Variants in CSMD3 observed in about 807,000 individuals in gnomAD.
The protein encoded by CSMD3 is CUB and Sushi multiple domains 3.
A neutral mutation model predicts 435.2 loss-of-function variants in CSMD3; 177 were observed. That is an observed-to-expected ratio of 0.41 (90% CI 0.36 to 0.46). CSMD3 has a LOEUF of 0.46. CSMD3 is among the 20% of genes least tolerant of loss of function. CSMD3 has a pLI of 0.34. For synonymous variants in CSMD3, 1,656 were observed against 1,520.5 expected (o/e 1.09, Z -2.07); for missense variants, 4,265 against 4,504.6 (o/e 0.95, Z 1.52).
At chr8:113,232,500 A>G (rs1441940719) in intron 3 of CSMD3, among the ~76,000 whole-genome samples, 2 of 151,716 alleles carry the variant, frequency 1.3e-5, no homozygotes, top group Non-Finnish European at 3.0e-5. Context: ...TTCATTGTTA[A>G]TAAGTTCCAT....
intron 52 of CSMD3, among the ~76,000 whole-genome samples, chr8:112,304,156 T>C (rs1023361404): frequency 2.6e-5 from 4 of 152,180 alleles, no homozygotes; most frequent in African/African-American, 9.6e-5. Flanking sequence ...GGTATTTCAA[T>C]TGTGTCATAC....
At chr8:113,392,589 T>G (rs1004097448) in intron 1 of CSMD3, among the ~76,000 whole-genome samples, 1 of 152,134 alleles carries the variant, frequency 6.6e-6, no homozygotes, top group Non-Finnish European at 1.5e-5. Context: ...GATTTGGCTC[T>G]GAATTCCTCA....
intron 1 of CSMD3, among the ~76,000 whole-genome samples, chr8:113,374,502 CT>C (rs2094366234): frequency 6.6e-6 from 1 of 152,054 alleles, no homozygotes; most frequent in African/African-American, 2.4e-5. Flanking sequence ...TATTCCTCAT[CT>C]GTCACCCTAC....
Position 112,341,470 on chromosome 8 carries a change from C to A in CSMD3, c.6652+7G>T, listed in dbSNP as rs748586568. On this transcript the variant is annotated splice_region_variant and intron_variant, in intron 42 of 70. Transcript: ENST00000297405. The stretch of plus-strand genomic sequence containing the variant: ...TATAAATTTTCATTTTTTATTATTT[C>A]TCTTACCTTGGTATACAATATGAAA... 3.9e-6 allele frequency: 6 copies of A among 1,556,482 alleles called. No individual in the cohort carries two copies. The South Asian group carries it at 4.5e-5, about 12-fold the overall frequency.
At chr8:112,393,754 A>G (rs12155895) in intron 35 of CSMD3, among the ~76,000 whole-genome samples, 29,174 of 152,122 alleles carry the variant, frequency 0.19, 3,379 homozygotes, top group Middle Eastern at 0.37. Flanking sequence ...TCAATCCTTA[A>G]CTTGCATTTT....
At chr8:112,903,151 C>CAAAAAAA (rs763330055) in intron 10 of CSMD3, among the ~76,000 whole-genome samples, 626 of 53,468 alleles carry the variant, frequency 0.012, 5 homozygotes, top group Middle Eastern at 0.044. Context: ...GCAGTCTTGG[C>CAAAAAAA]AAAAAAAAAA....
chr8:113,084,622 C>CAA lies in CSMD3; in HGVS notation c.917+14132_917+14133dup, dbSNP rs35078367. On this transcript the variant is annotated intron_variant, in intron 5 of 70. Coordinates refer to ENST00000297405, the MANE Select transcript of CSMD3 (RefSeq NM_198123.2). ...AAAAATTCTAAAATTTGAATGGAACCAAAAAAAAAAAAAAAACCCATGAAT... is the reference window on the plus strand; with the variant it reads ...AAAAATTCTAAAATTTGAATGGAACCAAAAAAAAAAAAAAAAAACCCATGAAT... 7.2e-3 allele frequency among the ~76,000 whole-genome samples: 852 copies of CAA among 117,780 alleles called. 7 individuals are homozygous for CAA. The highest frequency in any genetic ancestry group is 0.026 in the African/African-American group (806 of 31,000). The allele number at this position is 117,780 out of a possible 152,430, so 77.3% of individuals were successfully genotyped here.
intron 13 of CSMD3, among the ~76,000 whole-genome samples, chr8:112,715,925 C>A (rs1031032037): frequency 1.3e-5 from 2 of 152,060 alleles, no homozygotes; most frequent in South Asian, 2.1e-4. Flanking sequence ...CAAAATATCT[C>A]AAAATAATAA....
intron 10 of CSMD3, among the ~76,000 whole-genome samples, chr8:112,872,720 G>A (rs149753628): frequency 7.9e-4 from 120 of 151,900 alleles, no homozygotes; most frequent in Middle Eastern, 3.4e-3. Flanking sequence ...ATAAAAATAA[G>A]TCATGTGAAT....
chr8:112,517,569 A>G (rs1823811885), intron 27 of CSMD3, among the ~76,000 whole-genome samples: 2 of 151,628 alleles, frequency 1.3e-5, no homozygotes, highest in Non-Finnish European at 2.9e-5. Flanking sequence ...TCGAAACTCA[A>G]AAAAAAAGGA....
chr8:113,271,110 C>T (rs964989560), intron 3 of CSMD3, among the ~76,000 whole-genome samples: 2 of 151,986 alleles, frequency 1.3e-5, no homozygotes, highest in African/African-American at 2.4e-5. Context: ...CAAGAGGTGG[C>T]TTGGGTGCTG....
chr8:113,153,086 A>AAG (rs1295097626), intron 4 of CSMD3, among the ~76,000 whole-genome samples: 3 of 85,068 alleles, frequency 3.5e-5, no homozygotes, highest in Non-Finnish European at 6.0e-5. Context: ...AAAAGAAAGA[A>AAG]AGAAAGAAAG....
intron 3 of CSMD3, among the ~76,000 whole-genome samples, chr8:113,233,505 AT>A (rs1235699210): frequency 6.6e-6 from 1 of 150,858 alleles, no homozygotes; most frequent in African/African-American, 2.4e-5. Flanking sequence ...ATATGCTAAT[AT>A]TAATGTTAGA....
chr8:113,330,740 AT>A (rs1298674970), intron 1 of CSMD3, among the ~76,000 whole-genome samples: 3 of 151,944 alleles, frequency 2.0e-5, no homozygotes, highest in Non-Finnish European at 4.4e-5. Flanking sequence ...TAATAAAAAA[AT>A]ATGAAAATAT....
intron 1 of CSMD3, among the ~76,000 whole-genome samples, chr8:113,332,858 T>G (rs868510700): frequency 7.9e-5 from 12 of 151,882 alleles, no homozygotes; most frequent in Admixed American, 4.6e-4. Flanking sequence ...AGATGATACC[T>G]ACTTCCTAAT....
intron 1 of CSMD3, among the ~76,000 whole-genome samples, chr8:113,427,884 T>A (rs573405673): frequency 6.6e-6 from 1 of 151,760 alleles, no homozygotes; most frequent in South Asian, 2.1e-4. Context: ...TGATACAATT[T>A]TATCATTTTA....
At chr8:112,581,752 G>A (rs1171199835) in intron 23 of CSMD3, among the ~76,000 whole-genome samples, 3 of 152,040 alleles carry the variant, frequency 2.0e-5, no homozygotes, top group African/African-American at 7.2e-5. Flanking sequence ...AAAATTAAAG[G>A]AATTAACTAT....
In CSMD3 at chr8:112,975,769, T is replaced by C. The variant is rs2084821603; in HGVS notation, c.1342+68A>G. On this transcript the variant is annotated intron_variant, in intron 7 of 70. Transcript: ENST00000297405. ...GGCTCTCTTTCAGCTCATTCTCTAA[T>C]TAGAATCATTACCAAAATATAGCTT... 4 of 1,609,380 alleles carry C rather than the reference T, an allele frequency of 2.5e-6. No homozygotes were observed. In the Admixed American group the frequency reaches 5.0e-5, roughly 20 times the overall value.
intron 3 of CSMD3, among the ~76,000 whole-genome samples, chr8:113,235,357 GCACCCCATTC>G (rs1216749861): frequency 6.6e-6 from 1 of 152,004 alleles, no homozygotes. Flanking sequence ...CAAAAATAGT[GCACCCCATTC>G]CAATAGCCAT....
Sources: gnomAD v4.1 joint callset for allele counts (sites outside exome capture counted in the v4.1 genomes callset) on GRCh38, gnomAD v4.1.1 for gene constraint, MANE v1.5 for transcripts, NCBI Gene and HGNC (gene_info 2026-07-23, HGNC 2026-07-21) for gene names.